DLGAP2: variants seen among roughly 807,000 people sequenced by gnomAD.
The protein encoded by DLGAP2 is DLG associated protein 2.
A neutral mutation model predicts 100.3 loss-of-function variants in DLGAP2; 26 were observed. The observed-to-expected ratio is 0.26, with a 90% CI of 0.19 to 0.36. The LOEUF (loss-of-function observed/expected upper bound fraction) is 0.36, where lower values mean the gene tolerates loss of function less well. Among genes scored for constraint, DLGAP2 ranks in the 10% least tolerant of loss-of-function variants. DLGAP2 has a pLI of 1.00. For synonymous variants in DLGAP2, 886 were observed against 630.1 expected (o/e 1.41, Z -6.08); for missense variants, 1,858 against 1,453.2 (o/e 1.28, Z -4.53).
chr8:1,449,176 G>A (rs1352200760), intron 3 of DLGAP2, among the ~76,000 whole-genome samples: 2 of 152,130 alleles, frequency 1.3e-5, no homozygotes, highest in Admixed American at 6.5e-5. Context: ...ATATGATCAC[G>A]CTGACCACAC....
intron 6 of DLGAP2, among the ~76,000 whole-genome samples, chr8:1,590,767 G>A (rs1003350386): frequency 1.3e-5 from 2 of 152,164 alleles, no homozygotes; most frequent in African/African-American, 2.4e-5. Context: ...TGGGTCCTGA[G>A]GGACATTCCT....
chr8:1,414,365 C>T (rs1563131972), intron 3 of DLGAP2, among the ~76,000 whole-genome samples: 1 of 152,220 alleles, frequency 6.6e-6, no homozygotes, highest in Non-Finnish European at 1.5e-5. Flanking sequence ...CAGTGAGGAC[C>T]TGCCAAGGGC....
chr8:936,234 A>C (rs961614910), intron 2 of DLGAP2, among the ~76,000 whole-genome samples: 1 of 152,174 alleles, frequency 6.6e-6, no homozygotes, highest in Non-Finnish European at 1.5e-5. Flanking sequence ...GGGCCAGAGC[A>C]AGCAGCCTTG....
At chr8:1,179,539 C>T (rs1443625580) in intron 2 of DLGAP2, among the ~76,000 whole-genome samples, 3 of 152,382 alleles carry the variant, frequency 2.0e-5, no homozygotes, top group African/African-American at 7.2e-5. Flanking sequence ...CACCTCTCTC[C>T]AAGTTTCCTT....
chr8:1,502,498 A>G (rs1438292873), intron 4 of DLGAP2, among the ~76,000 whole-genome samples: 3 of 152,348 alleles, frequency 2.0e-5, no homozygotes, highest in South Asian at 4.1e-4. Flanking sequence ...ATGACCGTCC[A>G]TTATCCACTG....
At chr8:1,196,358 C>T (rs76917137) in intron 2 of DLGAP2, among the ~76,000 whole-genome samples, 4,303 of 152,276 alleles carry the variant, frequency 0.028, 195 homozygotes, top group African/African-American at 0.097. Flanking sequence ...ACCTGTCTTT[C>T]CCCCATCCCC....
chr8:1,420,718 C>T (rs1797066859), intron 3 of DLGAP2, among the ~76,000 whole-genome samples: 1 of 152,126 alleles, frequency 6.6e-6, no homozygotes, highest in African/African-American at 2.4e-5. Context: ...CTGCTGTTTC[C>T]CAAATCTATC....
intron 8 of DLGAP2, among the ~76,000 whole-genome samples, chr8:1,637,201 A>G (rs1051553895): frequency 1.3e-5 from 2 of 152,190 alleles, no homozygotes; most frequent in Admixed American, 1.3e-4. Context: ...GCTGGCAAGG[A>G]GGCCCTGCAG....
At chr8:1,271,659 G>C (rs1799586646) in intron 3 of DLGAP2, among the ~76,000 whole-genome samples, 1 of 152,202 alleles carries the variant, frequency 6.6e-6, no homozygotes, top group South Asian at 2.1e-4. Flanking sequence ...GTTCCCACAA[G>C]TGGTGAACTC....
chr8:1,099,175 G>T (rs1226278107), intron 2 of DLGAP2, among the ~76,000 whole-genome samples: 1 of 152,178 alleles, frequency 6.6e-6, no homozygotes, highest in Admixed American at 6.5e-5. Flanking sequence ...CACGTGCCTG[G>T]TGGTTTTACC....
intron 3 of DLGAP2, among the ~76,000 whole-genome samples, chr8:1,455,521 A>T (rs1248488886): frequency 2.0e-5 from 3 of 152,192 alleles, no homozygotes; most frequent in African/African-American, 7.2e-5. Context: ...CAGGGCTGAG[A>T]GGAGGAAGTC....
intron 1 of DLGAP2, among the ~76,000 whole-genome samples, chr8:852,136 G>A (rs570329539): frequency 6.6e-6 from 1 of 151,626 alleles, no homozygotes; most frequent in African/African-American, 2.4e-5. Context: ...TTTGAGAAGG[G>A]ACACATTGGA....
At chr8:1,276,676 G>C (rs1423599582) in intron 3 of DLGAP2, among the ~76,000 whole-genome samples, 1 of 151,722 alleles carries the variant, frequency 6.6e-6, no homozygotes, top group Admixed American at 6.6e-5. Context: ...TAGAAAGTCT[G>C]CTTGGATGAG....
intron 2 of DLGAP2, among the ~76,000 whole-genome samples, chr8:1,248,264 T>C (rs76565005): frequency 5.1e-5 from 2 of 38,874 alleles, no homozygotes; most frequent in African/African-American, 2.4e-4. Flanking sequence ...GGAGTGATGG[T>C]CCATGTCGGT....
chr8:1,164,566 C>T (rs1398110379), intron 2 of DLGAP2, among the ~76,000 whole-genome samples: 1 of 152,042 alleles, frequency 6.6e-6, no homozygotes, highest in Non-Finnish European at 1.5e-5. Flanking sequence ...TGCCCAAGTA[C>T]TTGTGGGTCA....
At chr8:884,451 C>G (rs562182172) in intron 1 of DLGAP2, among the ~76,000 whole-genome samples, 4 of 150,858 alleles carry the variant, frequency 2.7e-5, no homozygotes, top group South Asian at 2.1e-4. Flanking sequence ...TGAGAAATGT[C>G]TGTTCATATC....
At chr8:1,260,283 A>G (rs1298478066) in intron 3 of DLGAP2, among the ~76,000 whole-genome samples, 2 of 151,928 alleles carry the variant, frequency 1.3e-5, no homozygotes, top group African/African-American at 4.8e-5. Context: ...CTTTGAGTTC[A>G]TTTTTCATTC....
chr8:1,212,055 A>G (rs1263369397), intron 2 of DLGAP2, among the ~76,000 whole-genome samples: 3 of 152,232 alleles, frequency 2.0e-5, no homozygotes, highest in Admixed American at 6.5e-5. Flanking sequence ...CAGAGTGGGC[A>G]CACAATTATT....
At chr8:1,659,882 A>G (rs1798369886) in intron 8 of DLGAP2, among the ~76,000 whole-genome samples, 1 of 152,164 alleles carries the variant, frequency 6.6e-6, no homozygotes, top group South Asian at 2.1e-4. Flanking sequence ...AGATCCTATC[A>G]TTATGATGAT....
Sources: allele counts gnomAD v4.1 joint callset (sites outside exome capture counted in the v4.1 genomes callset), GRCh38; gene constraint gnomAD v4.1.1; transcripts MANE v1.5; gene names NCBI Gene and HGNC (gene_info 2026-07-23, HGNC 2026-07-21).